RNF43: variants seen among roughly 807,000 people sequenced by gnomAD.
RNF43 encodes E3 ubiquitin-protein ligase RNF43.
A neutral mutation model predicts 78.4 loss-of-function variants in RNF43; 37 were observed. The observed-to-expected ratio is 0.47, with a 90% confidence interval of 0.36 to 0.62. RNF43 has a LOEUF of 0.62. RNF43 is among the 20% of genes least tolerant of loss of function. The probability of loss-of-function intolerance (pLI) is 0.00; values close to 1 mark genes in which losing one functional copy is unlikely to be tolerated. For synonymous variants in RNF43, 347 were observed against 395.0 expected (o/e 0.88, Z 1.44); for missense variants, 774 against 1,007.9 (o/e 0.77, Z 3.14).
chr17:58,410,542 A>T (rs182298699), intron 2 of RNF43, among the ~76,000 whole-genome samples: 1 of 152,364 alleles, frequency 6.6e-6, no homozygotes, highest in Non-Finnish European at 1.5e-5. Flanking sequence ...GCTGGCATCA[A>T]AACAAAATCA....
At position 58,417,175 on chromosome 17, in the gene RNF43, G is replaced by A. The variant is rs1309923620; in HGVS notation, c.-544C>T. ...CCAAACCAAGTGCCCCATACTACAG[G>A]TAGGTGCCGAGAAATTCCGCAGCCT... is the stretch of plus-strand genomic sequence containing the variant. On this transcript the variant is annotated 5_prime_UTR_variant, in exon 1 of 10. Transcript: ENST00000407977. 3 of 152,312 alleles carry A rather than the reference G, an allele frequency of 2.0e-5. No individual in the cohort carries two copies. In the East Asian group the frequency reaches 5.8e-4, roughly 29 times the overall value. The allele number at this position is 152,312 out of a possible 1,614,324, so 9.4% of individuals were successfully genotyped here. A position where few individuals can be genotyped will look rare whatever the true frequency, so the allele number is the denominator to read the frequency against.
chr17:58,374,000 T>A (rs530669598), intron 2 of RNF43, among the ~76,000 whole-genome samples: 15 of 152,204 alleles, frequency 9.9e-5, no homozygotes, highest in Non-Finnish European at 2.1e-4. Context: ...CAGTACAGTT[T>A]ATATTTATTG....
In RNF43 at chr17:58,360,755, T is replaced by C; in HGVS notation, c.849+28A>G. 6.3e-7 allele frequency: 1 copy of C among 1,581,508 alleles called. No individual in the cohort carries two copies. The highest frequency in any genetic ancestry group is 8.6e-7 in the Non-Finnish European group (1 of 1,159,828). On this transcript the variant is annotated intron_variant, in intron 7 of 9. Transcript: ENST00000407977. The surrounding 1 kb of genome is among the most constrained non-coding windows in gnomAD (Gnocchi z 4.3). ...AGCTTCAATCTCCCCAGTCTGGTCATGGAGGTGAACCACAAGACCTGCCTT... is the reference window on the plus strand; with the variant it reads ...AGCTTCAATCTCCCCAGTCTGGTCACGGAGGTGAACCACAAGACCTGCCTT...
At chr17:58,408,945 G>A (rs530727570) in intron 2 of RNF43, among the ~76,000 whole-genome samples, 14 of 152,164 alleles carry the variant, frequency 9.2e-5, no homozygotes, top group Non-Finnish European at 1.9e-4. Flanking sequence ...CCACTGTGGG[G>A]AGATAGACAA....
Position 58,354,851 on chromosome 17 carries a change from G to T in RNF43, c.*92C>A. The T allele has an allele frequency of 8.9e-7, 1 of 1,123,742 alleles. No individual in the cohort carries two copies. The highest frequency in any genetic ancestry group is 1.4e-6 in the Non-Finnish European group (1 of 734,986). The allele number at this position is 1,123,742 out of a possible 1,614,324, so 69.6% of individuals were successfully genotyped here. On this transcript the variant is annotated 3_prime_UTR_variant, in exon 10 of 10. Transcript: ENST00000407977. ...CGGCAAAAAGAATGGTGTTTGCTGTGGTCCTTTCCTTTCCCAGGAGCAGGA... is the reference window on the plus strand; with the variant it reads ...CGGCAAAAAGAATGGTGTTTGCTGTTGTCCTTTCCTTTCCCAGGAGCAGGA...
At chr17:58,368,602 A>C (rs943765659) in intron 3 of RNF43, among the ~76,000 whole-genome samples, 7 of 149,134 alleles carry the variant, frequency 4.7e-5, no homozygotes, top group African/African-American at 1.7e-4. Flanking sequence ...AATCCCAGCT[A>C]CTCAGGAGGC....
intron 9 of RNF43, 127 bp from the exon 10 acceptor site, chr17:58,355,113 G>C (rs1972660985): frequency 2.3e-6 from 2 of 870,460 alleles, no homozygotes; most frequent in Non-Finnish European, 1.9e-6. Context: ...TGTCTGGAAA[G>C]GGTGGTTAGA....
intron 9 of RNF43, among the ~76,000 whole-genome samples, chr17:58,355,825 G>A (rs895564316): frequency 2.6e-5 from 4 of 152,194 alleles, no homozygotes; most frequent in African/African-American, 9.7e-5. Context: ...CTCAGCCTTC[G>A]AGGCCCTGTA....
intron 2 of RNF43, among the ~76,000 whole-genome samples, chr17:58,390,194 T>A (rs920206503): frequency 6.6e-6 from 1 of 152,054 alleles, no homozygotes; most frequent in Non-Finnish European, 1.5e-5. Flanking sequence ...GGGAATGAAA[T>A]GGTGCCCCGA....
intron 2 of RNF43, among the ~76,000 whole-genome samples, chr17:58,381,476 A>G (rs1487752616): frequency 5.3e-5 from 8 of 152,230 alleles, no homozygotes; most frequent in Non-Finnish European, 1.0e-4. Flanking sequence ...AGCTGCCTAG[A>G]TGCAACAGGA....
Position 58,362,634 on chromosome 17 carries a change from C to A in RNF43, c.597G>T (p.Val199=), listed in dbSNP as rs77499318. Residue 199 remains valine (V), a synonymous_variant, in exon 6 of 10, where the codon GTG becomes GTT. Transcript: ENST00000407977. ...KEPPAWPDYD[V]WILMTVVGTI... is the part of the protein sequence containing the mutation. Reference sequence around the variant, plus strand: ...TGCCCACCACTGTCATTAGGATCCACACATCATAATCTGGCTGGGGAGTGA... The same window carrying A: ...TGCCCACCACTGTCATTAGGATCCAAACATCATAATCTGGCTGGGGAGTGA... The A allele has an allele frequency of 6.2e-7, 1 of 1,611,024 alleles. No individual in the cohort carries two copies.
At chr17:58,404,516 T>A (rs955804266) in intron 2 of RNF43, among the ~76,000 whole-genome samples, 2 of 152,226 alleles carry the variant, frequency 1.3e-5, no homozygotes, top group Non-Finnish European at 2.9e-5. Context: ...TTAATGTATG[T>A]CATAGAGTTT....
At position 58,357,648 on chromosome 17, in the gene RNF43, G is replaced by A. The variant is rs1193933348; in HGVS notation, c.2128C>T (p.Leu710=). Residue 710 remains leucine (L), a synonymous_variant, in exon 9 of 10, where the codon CTG becomes TTG. Coordinates refer to ENST00000407977, the MANE Select transcript of RNF43 (RefSeq NM_017763.6). This position sits in a 1 kb window ranked among gnomAD's most constrained non-coding sequence, Gnocchi z 4.5. ...CAGGGGCCTGGGGTTTCTGGTAGCAGCCTCTTGTCCAGGCCTGGAGGTCCA... is the reference window on the plus strand; with the variant it reads ...CAGGGGCCTGGGGTTTCTGGTAGCAACCTCTTGTCCAGGCCTGGAGGTCCA... The part of the protein sequence containing the change: ...ICGPPGLDKR[L]LPETPGPCYS... 1 of 1,613,930 alleles carries A rather than the reference G, an allele frequency of 6.2e-7. No individual in the cohort carries two copies. Among genetic ancestry groups the A allele is most frequent in the South Asian group, 1.1e-5 (1 of 91,078 alleles).
intron 1 of RNF43, chr17:58,416,784 T>C (rs1278778657): frequency 6.6e-6 from 1 of 152,190 alleles, no homozygotes; most frequent in East Asian, 1.9e-4. Flanking sequence ...AAAATTTGCG[T>C]CTTTGTACAA....
intron 9 of RNF43, 83 bp from the exon 10 acceptor site, chr17:58,355,069 TGA>T (rs1180945396): frequency 2.5e-6 from 3 of 1,221,742 alleles, no homozygotes; most frequent in South Asian, 2.5e-5. Flanking sequence ...AGAGTGTGGC[TGA>T]GAGGGGACCA....
intron 2 of RNF43, among the ~76,000 whole-genome samples, chr17:58,396,849 C>T (rs1319912785): frequency 1.3e-5 from 2 of 152,078 alleles, no homozygotes; most frequent in African/African-American, 4.8e-5. Flanking sequence ...ACACACACTA[C>T]CATAGTAGTT....
At chr17:58,362,942 C>T (rs993962499) in intron 5 of RNF43, among the ~76,000 whole-genome samples, 1 of 152,272 alleles carries the variant, frequency 6.6e-6, no homozygotes, top group Admixed American at 6.5e-5. Context: ...GCCAGTGAGC[C>T]GCTGGATGAG....
At chr17:58,381,157 G>A (rs531328745) in intron 2 of RNF43, among the ~76,000 whole-genome samples, 1 of 152,322 alleles carries the variant, frequency 6.6e-6, no homozygotes, top group East Asian at 1.9e-4. Context: ...AGGGGTAGTT[G>A]TACTCAGAAA....
Position 58,405,141 on chromosome 17 carries a change from C to G in RNF43, c.252+10185G>C, listed in dbSNP as rs1405842666. 2.2e-4 allele frequency among the ~76,000 whole-genome samples: 31 copies of G among 142,576 alleles called. 1 individual carries two copies. The highest frequency in any genetic ancestry group is 2.1e-3 in the Admixed American group (29 of 14,044). The allele number at this position is 142,576 out of a possible 152,430, so 93.5% of individuals were successfully genotyped here. On this transcript the variant is annotated intron_variant, in intron 2 of 9. Transcript: ENST00000407977. The stretch of plus-strand genomic sequence containing the variant: ...CGCCCAGGCTGGAGTGCAGTGGCAC[C>G]ATCTCGGCTCACTGCAAGCTCCACC...
Sources: allele counts gnomAD v4.1 joint callset (sites outside exome capture counted in the v4.1 genomes callset), GRCh38; gene constraint gnomAD v4.1.1; non-coding constraint Gnocchi (gnomAD v3.1); transcripts MANE v1.5; gene names NCBI Gene and HGNC (gene_info 2026-07-23, HGNC 2026-07-21).